The following COLGALT1 variants were observed in gnomAD, a reference collection of about 807,000 sequenced individuals.
COLGALT1 encodes procollagen galactosyltransferase 1.
Under a neutral mutation model 60.8 loss-of-function variants are expected in COLGALT1, and 43 were observed. The ratio of observed to expected loss-of-function variants is 0.71; its 90% CI spans 0.55 to 0.91. The LOEUF (loss-of-function observed/expected upper bound fraction) is 0.91, where lower values mean the gene tolerates loss of function less well. Among genes scored for constraint, COLGALT1 ranks in the 40% least tolerant of loss-of-function variants. COLGALT1 has a pLI of 0.00. For missense variants in COLGALT1, 845 were observed against 880.0 expected (o/e 0.96, Z 0.50); for synonymous variants, 369 against 374.2 (o/e 0.99, Z 0.16).
chr19:17,562,123 C>T (rs374398467), intron 3 of COLGALT1, among the ~76,000 whole-genome samples: 1 of 152,210 alleles, frequency 6.6e-6, no homozygotes. Flanking sequence ...CCAGCTGCCT[C>T]GGCCTCCCAA....
intron 3 of COLGALT1, among the ~76,000 whole-genome samples, chr19:17,562,077 G>A (rs1416960719): frequency 6.6e-6 from 1 of 152,142 alleles, no homozygotes; most frequent in Non-Finnish European, 1.5e-5. Context: ...CGCCATGTTG[G>A]CCAGGCTGGT....
Position 17,580,931 on chromosome 19 carries a change from C to G in COLGALT1, c.1601+26C>G, listed in dbSNP as rs750404892. The G allele has an allele frequency of 2.5e-6, 4 of 1,611,768 alleles. No individual in the cohort carries two copies. In the South Asian group the frequency reaches 4.4e-5, roughly 18 times the overall value. ...GTGAGAGGGGCAGGCGGCTGCTGGG[C>G]TGGGGTTTCACGGTGGGTCTGTCCT... On this transcript the variant is annotated intron_variant, in intron 11 of 11. Transcript: ENST00000252599.
chr19:17,560,501 C>A (rs776610564), intron 3 of COLGALT1, 36 bp downstream of exon 3: 1 of 1,550,238 alleles, frequency 6.5e-7, no homozygotes, highest in Non-Finnish European at 8.9e-7. Context: ...GGATCACAGG[C>A]AGGTCTGGGT....
chr19:17,564,640 A>G (rs1369694655), intron 3 of COLGALT1, among the ~76,000 whole-genome samples: 1 of 151,440 alleles, frequency 6.6e-6, no homozygotes, highest in African/African-American at 2.4e-5. Flanking sequence ...CTGGTCTTGA[A>G]CTCCTGACCT....
chr19:17,558,249 A>G (rs1284046104), intron 1 of COLGALT1, among the ~76,000 whole-genome samples: 3 of 145,686 alleles, frequency 2.1e-5, no homozygotes, highest in African/African-American at 7.6e-5. Flanking sequence ...TAATTTTTGT[A>G]TTTTTAGTAG....
chr19:17,575,622 G>A (rs11667763), intron 6 of COLGALT1, among the ~76,000 whole-genome samples: 1 of 151,234 alleles, frequency 6.6e-6, no homozygotes, highest in Admixed American at 6.6e-5. Flanking sequence ...CTCATGATCT[G>A]CCCACCTCAG....
chr19:17,570,295 A>C (rs1333077781), intron 5 of COLGALT1, among the ~76,000 whole-genome samples: 2 of 152,122 alleles, frequency 1.3e-5, no homozygotes, highest in Non-Finnish European at 2.9e-5. Context: ...CCTGGAGTGC[A>C]GTGGTGTGAT....
At chr19:17,556,593 C>A in intron 1 of COLGALT1, 1 of 954,162 alleles carries the variant, frequency 1.0e-6, no homozygotes, top group Non-Finnish European at 1.2e-6. Flanking sequence ...CTGGTGACTT[C>A]TCACTCCCTG....
Position 17,559,301 on chromosome 19 carries a change from C to T in COLGALT1, c.261-10C>T, listed in dbSNP as rs1227920462. On this transcript the variant is annotated splice_polypyrimidine_tract_variant and intron_variant, in intron 1 of 11. Transcript: ENST00000252599. ...TCCCCAAGTACGCTGCCTGTCCCCT[C>T]TCCCTGCAGGGTGGCTACGGACCAC... The T allele has an allele frequency of 3.2e-6, 5 of 1,549,152 alleles. No individual in the cohort carries two copies. The highest frequency in any genetic ancestry group is 1.2e-5 in the South Asian group (1 of 83,990).
intron 6 of COLGALT1, among the ~76,000 whole-genome samples, chr19:17,573,255 C>T (rs1015679283): frequency 2.6e-5 from 4 of 152,030 alleles, no homozygotes; most frequent in Admixed American, 6.6e-5. Flanking sequence ...TGGCCGGGTG[C>T]GGTGGCTCAT....
intron 6 of COLGALT1, 131 bp downstream of exon 6, chr19:17,572,733 C>T (rs1045814157): frequency 1.2e-5 from 16 of 1,334,842 alleles, no homozygotes; most frequent in East Asian, 7.5e-5. Context: ...CTGGGTGCAA[C>T]GGCACGTGTG....
chr19:17,574,210 G>A (rs2076328094), intron 6 of COLGALT1, among the ~76,000 whole-genome samples: 1 of 152,168 alleles, frequency 6.6e-6, no homozygotes, highest in Admixed American at 6.6e-5. Flanking sequence ...GGGTGGGAGG[G>A]GTGAGGCCTC....
rs746478240 is a variant in COLGALT1, at chr19:17,555,952, C to T, written c.239C>T (p.Pro80Leu). Residue 80 changes from proline to leucine, a missense_variant, in exon 1 of 12, where the codon CCG (proline) becomes CTG (leucine). Pro to Leu is a moderately conservative substitution (Grantham distance 98). Coordinates refer to ENST00000252599, the MANE Select transcript of COLGALT1 (RefSeq NM_024656.4). ...GGCGCACTCGAGCGGCTGCGGCACC[C>T]GCGGGAGCGCACGGCGCTATGGTGA... ...TLGALERLRH[P>L]RERTALWVAT... The T allele has an allele frequency of 1.1e-4, 150 of 1,381,592 alleles. No homozygotes were observed. Among genetic ancestry groups the T allele is most frequent in the Non-Finnish European group, 1.4e-4 (146 of 1,067,672 alleles). The allele number at this position is 1,381,592 out of a possible 1,614,324, so 85.6% of individuals were successfully genotyped here. A position where few individuals can be genotyped will look rare whatever the true frequency, so the allele number is the denominator to read the frequency against.
rs746996138 is a variant in COLGALT1 at position 17,582,483 on chromosome 19, CTGTG to C, written c.*1042_*1045del. On this transcript the variant is annotated 3_prime_UTR_variant, in exon 12 of 12. Coordinates refer to ENST00000252599, the MANE Select transcript of COLGALT1 (RefSeq NM_024656.4). The stretch of plus-strand genomic sequence containing the variant: ...TTCCCACACACCTGAAGAGCACTGA[CTGTG>C]TGCCGGGCACTAGTGATACAAAAGA... The C allele has an allele frequency of 2.6e-5, 4 of 152,228 alleles. No homozygotes were observed. The highest frequency in any genetic ancestry group is 5.9e-5 in the Non-Finnish European group (4 of 68,052). 9.4% of individuals were successfully genotyped at this position (152,228 alleles called of 1,614,324 possible).
chr19:17,567,694 T>A (rs1239442390), intron 4 of COLGALT1, among the ~76,000 whole-genome samples, 154 bp downstream of exon 4: 1 of 151,842 alleles, frequency 6.6e-6, no homozygotes, highest in Non-Finnish European at 1.5e-5. Flanking sequence ...ACCCCAGCAC[T>A]TTGGGAGACT....
chr19:17,577,039 G>T, intron 6 of COLGALT1, 156 bp from the exon 7 acceptor site: 2 of 574,460 alleles, frequency 3.5e-6, no homozygotes, highest in Admixed American at 5.8e-5. Context: ...GACATGGGAG[G>T]GGCTCCTAGA....
At chr19:17,564,985 G>A (rs980209622) in intron 3 of COLGALT1, among the ~76,000 whole-genome samples, 3 of 151,938 alleles carry the variant, frequency 2.0e-5, no homozygotes, top group Admixed American at 1.3e-4. Flanking sequence ...ATGGCGTTTC[G>A]TGTCTGGTTT....
At chr19:17,562,127 C>G (rs917961915) in intron 3 of COLGALT1, among the ~76,000 whole-genome samples, 9 of 152,222 alleles carry the variant, frequency 5.9e-5, no homozygotes, top group African/African-American at 2.2e-4. Flanking sequence ...CTGCCTCGGC[C>G]TCCCAAAGTG....
chr19:17,577,003 T>TGAGAGGCAGGACGGGGGGCGGGGTGTAGC, intron 6 of COLGALT1, 192 bp from the exon 7 acceptor site: 1 of 587,596 alleles, frequency 1.7e-6, no homozygotes, highest in Non-Finnish European at 3.0e-6. Flanking sequence ...TGGCCAGGGC[T>TGAGAGGCAGGACGGGGGGCGGGGTGTAGC]TTGGGCTGCT....
Sources: gnomAD v4.1 joint callset for allele counts (sites outside exome capture counted in the v4.1 genomes callset) on GRCh38, gnomAD v4.1.1 for gene constraint, MANE v1.5 for transcripts, NCBI Gene and HGNC (gene_info 2026-07-23, HGNC 2026-07-21) for gene names.